PCDHGA7: variants seen among roughly 807,000 people sequenced by gnomAD.
PCDHGA7 encodes the protein protocadherin gamma subfamily A, 7.
In PCDHGA7, 44 loss-of-function variants were observed where a neutral mutation model predicts 58.3. The ratio of observed to expected loss-of-function variants is 0.75; its 90% CI spans 0.59 to 0.97. The LOEUF (loss-of-function observed/expected upper bound fraction) is 0.97, where lower values mean the gene tolerates loss of function less well. Ranked by LOEUF, PCDHGA7 falls within the 50% of genes least tolerant of loss-of-function variation. The pLI is 0.00. For missense variants in PCDHGA7, 1,266 were observed against 1,188.7 expected, an observed-to-expected ratio of 1.06 and a Z score of -0.96; for synonymous variants, 516 against 504.2, an observed-to-expected ratio of 1.02 and a Z score of -0.31.
chr5:141,476,366 G>T lies in PCDHGA7; in HGVS notation c.2425-18441G>T, dbSNP rs1025903110. The T allele has an allele frequency of 6.2e-7, 1 of 1,614,026 alleles. No individual in the cohort carries two copies. The highest frequency in any genetic ancestry group is 8.5e-7 in the Non-Finnish European group (1 of 1,180,028). On this transcript the variant is annotated intron_variant, in intron 1 of 3. Coordinates refer to ENST00000518325, the MANE Select transcript of PCDHGA7 (RefSeq NM_018920.4). The surrounding 1 kb of genome is among the most constrained non-coding windows in gnomAD (Gnocchi z 7.6). The stretch of plus-strand genomic sequence containing the variant: ...ATTCTTTGAGGTGAACCGGGAGACC[G>T]GAGAGATGTTTGTGAACGACCGTCT...
At chr5:141,428,187 C>G in intron 1 of PCDHGA7, 3 of 1,439,502 alleles carry the variant, frequency 2.1e-6, no homozygotes, top group South Asian at 1.2e-5. Flanking sequence ...GGACAGCCGC[C>G]GCTCTCTGCG....
intron 1 of PCDHGA7, chr5:141,400,004 G>T (rs750835037): frequency 2.5e-6 from 4 of 1,612,420 alleles, no homozygotes; most frequent in East Asian, 2.2e-5. Flanking sequence ...CGCACAGCGC[G>T]TGCCTTGGGC....
At chr5:141,421,994 T>A (rs765586654) in intron 1 of PCDHGA7, 3 of 1,608,922 alleles carry the variant, frequency 1.9e-6, no homozygotes, top group Non-Finnish European at 2.5e-6. Flanking sequence ...CCAGAAAACA[T>A]CAGCTCCGGA....
At chr5:141,390,455 T>C (rs2092151799) in intron 1 of PCDHGA7, 6 of 771,128 alleles carry the variant, frequency 7.8e-6, no homozygotes, top group Non-Finnish European at 1.2e-5. Context: ...AGGAGTAAAG[T>C]AGGAGCAATT....
At chr5:141,406,072 C>CTT (rs530474569) in intron 1 of PCDHGA7, among the ~76,000 whole-genome samples, 28 of 141,510 alleles carry the variant, frequency 2.0e-4, no homozygotes, top group East Asian at 4.1e-4. Context: ...ATTCTTACTC[C>CTT]TTTTTTTTTT....
At position 141,476,161 on chromosome 5, in the gene PCDHGA7, G is replaced by A. The variant is rs748660112; in HGVS notation, c.2425-18646G>A. 21 of 1,613,012 alleles carry A rather than the reference G, an allele frequency of 1.3e-5. No homozygotes were observed. Among genetic ancestry groups the A allele is most frequent in the Non-Finnish European group, 1.8e-5 (21 of 1,179,922 alleles). On this transcript the variant is annotated intron_variant, in intron 1 of 3. Transcript: ENST00000518325. The surrounding 1 kb of genome is among the most constrained non-coding windows in gnomAD (Gnocchi z 7.6). ...GGAGCGGACTGGTAAGCACCGGGAG[G>A]GTAGTGGGAGTTTTGCTTCTGCTTG... is the stretch of plus-strand genomic sequence containing the variant.
intron 1 of PCDHGA7, among the ~76,000 whole-genome samples, chr5:141,434,609 G>T (rs189866750): frequency 1.3e-5 from 2 of 151,946 alleles, no homozygotes; most frequent in Non-Finnish European, 2.9e-5. Flanking sequence ...CTTTATTTCC[G>T]CCCATCTCTT....
rs747509171 is a variant in PCDHGA7, at chr5:141,477,069, A to G, written c.2425-17738A>G. The stretch of plus-strand genomic sequence containing the variant: ...CTGGACTTCGAGGACACCAAACTCC[A>G]TGAGATTTACATCCAGGCCAAAGAC... On this transcript the variant is annotated intron_variant, in intron 1 of 3. Coordinates refer to ENST00000518325, the MANE Select transcript of PCDHGA7 (RefSeq NM_018920.4). The surrounding 1 kb of genome is among the most constrained non-coding windows in gnomAD (Gnocchi z 4.9). 7 of 1,614,246 alleles carry G rather than the reference A, an allele frequency of 4.3e-6. No homozygotes were observed. The highest frequency in any genetic ancestry group is 5.9e-6 in the Non-Finnish European group (7 of 1,180,026).
In PCDHGA7 at chr5:141,491,729, C is replaced by T. The variant is rs766649819; in HGVS notation, c.2425-3078C>T. On this transcript the variant is annotated intron_variant, in intron 1 of 3. Coordinates refer to ENST00000518325, the MANE Select transcript of PCDHGA7 (RefSeq NM_018920.4). This position sits in a 1 kb window ranked among gnomAD's most constrained non-coding sequence, Gnocchi z 6.9. ...AGGGGCTCGGCGCCGCCCCGGGCGA[C>T]CCCTGGGGGCGGCACTGGAGAAGCC... 6.1e-5 allele frequency: 98 copies of T among 1,603,832 alleles called. No homozygotes were observed. Among genetic ancestry groups the T allele is most frequent in the Non-Finnish European group, 7.9e-5 (93 of 1,175,848 alleles).
At chr5:141,478,804 G>C (rs765938054) in intron 1 of PCDHGA7, 48 of 1,462,396 alleles carry the variant, frequency 3.3e-5, no homozygotes, top group Non-Finnish European at 4.1e-5. Context: ...GCACTCTTTT[G>C]CTATCACAAC....
chr5:141,421,109 T>C (rs2096547097), intron 1 of PCDHGA7: 2 of 715,670 alleles, frequency 2.8e-6, no homozygotes, highest in East Asian at 2.8e-5. Flanking sequence ...GACTTAGAAG[T>C]ATTTTCCTTC....
rs2099883748 is a variant in PCDHGA7 at position 141,511,359 on chromosome 5, T to A, written c.*186T>A. On this transcript the variant is annotated 3_prime_UTR_variant, in exon 4 of 4. Transcript: ENST00000518325. ...CACCTACCCCTTCCCCCCCAGGGGGTTGAATATGCAAAAGCAGTTCCGCTG... is the reference window on the plus strand; with the variant it reads ...CACCTACCCCTTCCCCCCCAGGGGGATGAATATGCAAAAGCAGTTCCGCTG... 2 of 1,339,338 alleles carry A rather than the reference T, an allele frequency of 1.5e-6. No individual in the cohort carries two copies. Among genetic ancestry groups the A allele is most frequent in the Non-Finnish European group, 2.0e-6 (2 of 1,000,492 alleles). The allele number at this position is 1,339,338 out of a possible 1,614,324, so 83.0% of individuals were successfully genotyped here. A position where few individuals can be genotyped will look rare whatever the true frequency, so the allele number is the denominator to read the frequency against.
intron 1 of PCDHGA7, among the ~76,000 whole-genome samples, chr5:141,481,095 C>T (rs1456056389): frequency 1.3e-5 from 2 of 152,120 alleles, no homozygotes; most frequent in African/African-American, 2.4e-5. Context: ...AAAAGCAGTA[C>T]TCTGGAACCT....
At chr5:141,388,438 A>C in intron 1 of PCDHGA7, 4 of 1,613,906 alleles carry the variant, frequency 2.5e-6, no homozygotes, top group Non-Finnish European at 3.4e-6. Flanking sequence ...AATAAAGAGA[A>C]ATCAGATGGC....
chr5:141,493,021 G>C lies in PCDHGA7; in HGVS notation c.2425-1786G>C, dbSNP rs1261539371. On this transcript the variant is annotated intron_variant, in intron 1 of 3. Transcript: ENST00000518325. This position sits in a 1 kb window ranked among gnomAD's most constrained non-coding sequence, Gnocchi z 4.3. ...AGCTATAGGCTCTGCCAGATGCCAG[G>C]GTGCCCTTATGTGTGAGGAAACTAC... Among the ~76,000 whole-genome samples, 1 of 152,180 alleles carries C rather than the reference G, an allele frequency of 6.6e-6. No individual in the cohort carries two copies. The highest frequency in any genetic ancestry group is 6.5e-5 in the Admixed American group (1 of 15,284).
Position 141,395,191 on chromosome 5 carries a change from C to T in PCDHGA7, c.2424+9868C>T, listed in dbSNP as rs781685191. ...TGTGAGAAAAATGATTCTTTGTTAA[C>T]ATCCGTAGATTTTCATGAATATAAG... is the stretch of plus-strand genomic sequence containing the variant. On this transcript the variant is annotated intron_variant, in intron 1 of 3. Transcript: ENST00000518325. 8 of 1,614,074 alleles carry T rather than the reference C, an allele frequency of 5.0e-6. 1 individual carries two copies. The South Asian group carries it at 7.7e-5, about 16-fold the overall frequency.
chr5:141,394,488 G>C lies in PCDHGA7; in HGVS notation c.2424+9165G>C, dbSNP rs753312224. 7.4e-6 allele frequency: 12 copies of C among 1,614,196 alleles called. No homozygotes were observed. In the South Asian group the frequency reaches 1.1e-4, roughly 15 times the overall value. ...GTTCGTGCTGGACCAGAATGACAAC[G>C]CGCCCGAGATCCTGTACCCCGCCCT... is the stretch of plus-strand genomic sequence containing the variant. On this transcript the variant is annotated intron_variant, in intron 1 of 3. Transcript: ENST00000518325.
intron 1 of PCDHGA7, chr5:141,427,447 T>A (rs556527924): frequency 1.9e-4 from 92 of 483,324 alleles, no homozygotes; most frequent in African/African-American, 1.4e-3. Context: ...AACGAAAGAG[T>A]TCCTTTTAGA....
chr5:141,439,459 A>T (rs558086952), intron 1 of PCDHGA7, among the ~76,000 whole-genome samples: 1 of 152,340 alleles, frequency 6.6e-6, no homozygotes, highest in African/African-American at 2.4e-5. Flanking sequence ...GCAAGACTGC[A>T]CTGCTGCCTT....
Sources: allele counts gnomAD v4.1 joint callset (sites outside exome capture counted in the v4.1 genomes callset), GRCh38; gene constraint gnomAD v4.1.1; non-coding constraint Gnocchi (gnomAD v3.1); transcripts MANE v1.5; gene names NCBI Gene and HGNC (gene_info 2026-07-23, HGNC 2026-07-21).